LRMDA: variants seen among roughly 807,000 people sequenced by gnomAD.
LRMDA encodes leucine rich melanocyte differentiation associated.
LRMDA carries 18 observed loss-of-function variants against 29.8 expected under a neutral mutation model. The observed-to-expected ratio is 0.60, with a 90% CI of 0.42 to 0.90. The LOEUF (loss-of-function observed/expected upper bound fraction) is 0.90. Ranked by LOEUF, LRMDA falls within the 40% of genes least tolerant of loss-of-function variation. The probability of loss-of-function intolerance (pLI) is 0.00; values close to 1 mark genes in which losing one functional copy is unlikely to be tolerated. For synonymous variants in LRMDA, 125 were observed against 109.4 expected, an observed-to-expected ratio of 1.14 and a Z score of -0.89; for missense variants, 273 against 273.9, an observed-to-expected ratio of 1.00 and a Z score of 0.02.
chr10:76,385,543 A>G (rs1011727365), intron 6 of LRMDA, among the ~76,000 whole-genome samples: 18 of 152,180 alleles, frequency 1.2e-4, no homozygotes, highest in Non-Finnish European at 2.6e-4. Flanking sequence ...TAGTAGTAGT[A>G]AAAGAAGCAG....
intron 2 of LRMDA, among the ~76,000 whole-genome samples, chr10:75,492,035 A>G (rs1844994500): frequency 6.6e-6 from 1 of 152,362 alleles, no homozygotes; most frequent in South Asian, 2.1e-4. Flanking sequence ...AAAGCTGAGC[A>G]AAATAGCAGG....
At chr10:76,114,792 G>A (rs138641148) in intron 5 of LRMDA, among the ~76,000 whole-genome samples, 2 of 152,254 alleles carry the variant, frequency 1.3e-5, no homozygotes, top group South Asian at 2.1e-4. Flanking sequence ...ATCGTAAGGC[G>A]CTGCAAAAGT....
intron 3 of LRMDA, among the ~76,000 whole-genome samples, chr10:76,046,471 T>C (rs937385812): frequency 6.6e-6 from 1 of 152,078 alleles, no homozygotes; most frequent in Non-Finnish European, 1.5e-5. Flanking sequence ...TGAAATAATT[T>C]CTGGTTTTCT....
intron 2 of LRMDA, among the ~76,000 whole-genome samples, chr10:75,631,216 G>C (rs1206214093): frequency 6.6e-6 from 1 of 152,130 alleles, no homozygotes. Flanking sequence ...ACATGCCCAA[G>C]ACCTCGTACT....
chr10:76,447,464 A>G (rs1026091664), intron 6 of LRMDA, among the ~76,000 whole-genome samples: 2 of 152,174 alleles, frequency 1.3e-5, no homozygotes, highest in African/African-American at 4.8e-5. Context: ...AGTGAAAATT[A>G]TCTTTAAAAA....
chr10:76,134,139 C>G (rs1473264777), intron 5 of LRMDA, among the ~76,000 whole-genome samples: 1 of 152,220 alleles, frequency 6.6e-6, no homozygotes, highest in African/African-American at 2.4e-5. Context: ...TCAACCACTC[C>G]TAAGGCAGGG....
rs182965858 is a variant in LRMDA, at chr10:76,160,589, A to G, written c.516+101806A>G. 5.3e-3 allele frequency among the ~76,000 whole-genome samples: 813 copies of G among 152,226 alleles called. 4 individuals carry two copies. Among genetic ancestry groups the G allele is most frequent in the Middle Eastern group, 0.02 (6 of 294 alleles). ...AGATTAGCTGTGTGTTGATTTATAG[A>G]TACAAGAGGGCTCATTATACTGTAG... On this transcript the variant is annotated intron_variant, in intron 5 of 6. Coordinates refer to ENST00000611255, the MANE Select transcript of LRMDA (RefSeq NM_001305581.2).
intron 2 of LRMDA, among the ~76,000 whole-genome samples, chr10:75,636,735 A>G (rs1841394210): frequency 6.6e-6 from 1 of 152,228 alleles, no homozygotes; most frequent in Non-Finnish European, 1.5e-5. Flanking sequence ...CGTCATGAAC[A>G]GCCTTCATTC....
chr10:75,939,791 A>G (rs924441233), intron 2 of LRMDA, among the ~76,000 whole-genome samples: 1 of 152,094 alleles, frequency 6.6e-6, no homozygotes, highest in Non-Finnish European at 1.5e-5. Flanking sequence ...CAGGCTTCCT[A>G]GTCCCCATCC....
intron 6 of LRMDA, among the ~76,000 whole-genome samples, chr10:76,521,856 G>T (rs1843124732): frequency 6.6e-6 from 1 of 152,266 alleles, no homozygotes; most frequent in South Asian, 2.1e-4. Flanking sequence ...AGACTGTAAG[G>T]TCCTTGCATG....
intron 2 of LRMDA, among the ~76,000 whole-genome samples, chr10:75,979,332 C>A (rs537518713): frequency 6.6e-6 from 1 of 152,126 alleles, no homozygotes; most frequent in African/African-American, 2.4e-5. Flanking sequence ...GGCAGTTAAT[C>A]AGGAGAGTCT....
chr10:75,761,207 G>A (rs1387537605), intron 2 of LRMDA, among the ~76,000 whole-genome samples: 1 of 152,176 alleles, frequency 6.6e-6, no homozygotes, highest in Non-Finnish European at 1.5e-5. Context: ...ATAATTGAAA[G>A]CAGGTCTTGG....
intron 5 of LRMDA, among the ~76,000 whole-genome samples, chr10:76,171,754 C>G (rs1589362577): frequency 6.6e-6 from 1 of 152,146 alleles, no homozygotes; most frequent in Non-Finnish European, 1.5e-5. Context: ...ATTTCTGCTC[C>G]AAGCCATGAT....
intron 2 of LRMDA, among the ~76,000 whole-genome samples, chr10:76,021,626 T>C (rs1212935158): frequency 6.6e-6 from 1 of 152,174 alleles, no homozygotes; most frequent in Non-Finnish European, 1.5e-5. Flanking sequence ...CCTAATGACA[T>C]GTGAGAATAT....
At chr10:76,408,245 T>G (rs1265350629) in intron 6 of LRMDA, among the ~76,000 whole-genome samples, 1 of 152,174 alleles carries the variant, frequency 6.6e-6, no homozygotes, top group East Asian at 1.9e-4. Context: ...ACTGTGGTAA[T>G]GTCTGTGGTC....
At chr10:75,865,548 G>T (rs1410388185) in intron 2 of LRMDA, among the ~76,000 whole-genome samples, 1 of 152,118 alleles carries the variant, frequency 6.6e-6, no homozygotes, top group African/African-American at 2.4e-5. Flanking sequence ...TTTTTAGCCA[G>T]AATTTAAAGA....
chr10:75,449,884 G>A (rs1364449254), intron 2 of LRMDA, among the ~76,000 whole-genome samples: 1 of 152,150 alleles, frequency 6.6e-6, no homozygotes, highest in African/African-American at 2.4e-5. Context: ...ACAACTGCAT[G>A]CTTGAATTTT....
intron 2 of LRMDA, among the ~76,000 whole-genome samples, chr10:75,787,529 G>A (rs571748012): frequency 3.3e-5 from 5 of 152,250 alleles, no homozygotes; most frequent in South Asian, 2.1e-4. Flanking sequence ...TGTGCCAGGC[G>A]TGTCATTTCT....
chr10:75,792,205 C>A (rs1843579734), intron 2 of LRMDA, among the ~76,000 whole-genome samples: 1 of 149,508 alleles, frequency 6.7e-6, no homozygotes, highest in South Asian at 2.1e-4. Flanking sequence ...GCTGCTATTG[C>A]CTAAATGACT....
Sources: gnomAD v4.1 joint callset for allele counts (sites outside exome capture counted in the v4.1 genomes callset) on GRCh38, gnomAD v4.1.1 for gene constraint, MANE v1.5 for transcripts, NCBI Gene and HGNC (gene_info 2026-07-23, HGNC 2026-07-21) for gene names.